DIAPH3: variants seen among roughly 807,000 people sequenced by gnomAD.
DIAPH3 encodes protein diaphanous homolog 3.
Under a neutral mutation model 144.3 loss-of-function variants are expected in DIAPH3, and 117 were observed. That is an observed-to-expected ratio of 0.81 (90% CI 0.70 to 0.95). The LOEUF is 0.95. DIAPH3 is among the 40% of genes least tolerant of loss of function. The probability of loss-of-function intolerance (pLI) is 0.00; values close to 1 mark genes in which losing one functional copy is unlikely to be tolerated. For synonymous variants in DIAPH3, 519 were observed against 488.9 expected (o/e 1.06, Z -0.81); for missense variants, 1,421 against 1,412.7 (o/e 1.01, Z -0.09).
intron 27 of DIAPH3, among the ~76,000 whole-genome samples, chr13:59,685,959 T>C (rs1301533104): frequency 2.0e-5 from 3 of 152,268 alleles, no homozygotes; most frequent in East Asian, 1.9e-4. Flanking sequence ...CTAAAATCTA[T>C]AGTCCAAGTT....
At chr13:59,871,200 G>GGC (rs1566444034) in intron 21 of DIAPH3, among the ~76,000 whole-genome samples, 4 of 145,092 alleles carry the variant, frequency 2.8e-5, no homozygotes, top group Non-Finnish European at 6.1e-5. Flanking sequence ...TTTTTTGGGG[G>GGC]GGGGGGTGGC....
chr13:60,073,966 C>T (rs2057296933), intron 4 of DIAPH3, among the ~76,000 whole-genome samples: 1 of 152,146 alleles, frequency 6.6e-6, no homozygotes, highest in Non-Finnish European at 1.5e-5. Context: ...AAATGGTGTT[C>T]TCTGTTAGGA....
chr13:59,984,388 T>C (rs1193116365), intron 12 of DIAPH3, among the ~76,000 whole-genome samples: 2 of 151,778 alleles, frequency 1.3e-5, no homozygotes, highest in Non-Finnish European at 2.9e-5. Flanking sequence ...ATCAAATTCA[T>C]ATTTCTTACT....
At chr13:60,092,970 T>G (rs1011368756) in intron 4 of DIAPH3, among the ~76,000 whole-genome samples, 1 of 152,254 alleles carries the variant, frequency 6.6e-6, no homozygotes, top group Non-Finnish European at 1.5e-5. Context: ...TGATTGCTTC[T>G]TCATTGGCTT....
chr13:59,667,817 G>C (rs1407921611), intron 27 of DIAPH3, among the ~76,000 whole-genome samples: 2 of 152,184 alleles, frequency 1.3e-5, no homozygotes, highest in Non-Finnish European at 2.9e-5. Context: ...GTTATTCTCT[G>C]AGAGATGTTC....
At chr13:59,755,281 G>T (rs1160918603) in intron 27 of DIAPH3, among the ~76,000 whole-genome samples, 1 of 152,062 alleles carries the variant, frequency 6.6e-6, no homozygotes, top group African/African-American at 2.4e-5. Context: ...GGTCAAGGTA[G>T]AATCACCCAC....
intron 24 of DIAPH3, among the ~76,000 whole-genome samples, chr13:59,827,593 A>G (rs2041515882): frequency 6.6e-6 from 1 of 152,042 alleles, no homozygotes; most frequent in African/African-American, 2.4e-5. Flanking sequence ...GGATAAGGAA[A>G]GAGAATAGTA....
intron 17 of DIAPH3, among the ~76,000 whole-genome samples, chr13:59,940,826 T>C (rs1295356920): frequency 6.6e-6 from 1 of 152,156 alleles, no homozygotes; most frequent in Non-Finnish European, 1.5e-5. Context: ...ATCCTGGCCA[T>C]TCAAAGCCTA....
intron 20 of DIAPH3, among the ~76,000 whole-genome samples, chr13:59,881,142 T>C (rs752517544): frequency 2.0e-5 from 3 of 151,690 alleles, no homozygotes; most frequent in Non-Finnish European, 2.9e-5. Flanking sequence ...ACAAAGACAT[T>C]TGTCTTAAAA....
intron 26 of DIAPH3, among the ~76,000 whole-genome samples, 183 bp from the exon 27 acceptor site, chr13:59,774,431 G>T (rs1205763707): frequency 6.6e-6 from 1 of 152,104 alleles, no homozygotes; most frequent in African/African-American, 2.4e-5. Context: ...TTATGCTACT[G>T]TAAACTCCAC....
intron 2 of DIAPH3, among the ~76,000 whole-genome samples, chr13:60,118,054 C>T (rs2058742902): frequency 1.3e-5 from 2 of 152,098 alleles, no homozygotes; most frequent in African/African-American, 2.4e-5. Flanking sequence ...AGATGGTACA[C>T]CACACTTCAT....
intron 27 of DIAPH3, among the ~76,000 whole-genome samples, chr13:59,697,478 A>T (rs1288438667): frequency 1.3e-5 from 2 of 149,538 alleles, no homozygotes; most frequent in Non-Finnish European, 3.0e-5. Context: ...AAAAAAAAAA[A>T]AAAAAAAAAA....
intron 17 of DIAPH3, among the ~76,000 whole-genome samples, chr13:59,960,316 G>A (rs2049674561): frequency 6.6e-6 from 1 of 152,124 alleles, no homozygotes; most frequent in Admixed American, 6.5e-5. Context: ...TAGTTGAACC[G>A]TGTGAAGGCT....
intron 4 of DIAPH3, among the ~76,000 whole-genome samples, chr13:60,081,453 C>T (rs1489072290): frequency 6.6e-6 from 1 of 151,660 alleles, no homozygotes; most frequent in Non-Finnish European, 1.5e-5. Flanking sequence ...TGTTTTTTAA[C>T]CAAAGACATA....
At chr13:59,729,808 A>ATTTT (rs202135165) in intron 27 of DIAPH3, among the ~76,000 whole-genome samples, 63,040 of 112,346 alleles carry the variant, frequency 0.56, 17,938 homozygotes, top group East Asian at 0.64. Context: ...GAATACATTA[A>ATTTT]TATTTTTTTT....
intron 19 of DIAPH3, among the ~76,000 whole-genome samples, chr13:59,915,764 T>C (rs2047191197): frequency 1.3e-5 from 2 of 152,026 alleles, no homozygotes; most frequent in African/African-American, 2.4e-5. Flanking sequence ...TAACTGTAAT[T>C]GAAAACTCCC....
At chr13:60,140,407 T>C (rs1445760890) in intron 1 of DIAPH3, among the ~76,000 whole-genome samples, 3 of 152,162 alleles carry the variant, frequency 2.0e-5, no homozygotes, top group Non-Finnish European at 4.4e-5. Context: ...TTTAAATAGC[T>C]AGAACTGTAA....
At chr13:60,088,265 T>C (rs955959814) in intron 4 of DIAPH3, among the ~76,000 whole-genome samples, 4 of 152,096 alleles carry the variant, frequency 2.6e-5, no homozygotes, top group Admixed American at 2.6e-4. Context: ...CACACTGCAC[T>C]ACATAACATA....
chr13:59,826,181 G>A (rs1302632681), intron 24 of DIAPH3, among the ~76,000 whole-genome samples: 3 of 150,526 alleles, frequency 2.0e-5, no homozygotes, highest in African/African-American at 7.3e-5. Context: ...TTCTGGCCAG[G>A]GCAATTAGGC....
Sources: gnomAD v4.1 joint callset for allele counts (sites outside exome capture counted in the v4.1 genomes callset) on GRCh38, gnomAD v4.1.1 for gene constraint, MANE v1.5 for transcripts, NCBI Gene and HGNC (gene_info 2026-07-23, HGNC 2026-07-21) for gene names.